Variants in ATP6V0A1 observed in about 807,000 individuals in gnomAD.
The protein encoded by ATP6V0A1 is V-type proton ATPase 116 kDa subunit a 1.
ATP6V0A1 carries 43 observed loss-of-function variants against 105.4 expected under a neutral mutation model. The ratio of observed to expected loss-of-function variants is 0.41; its 90% CI spans 0.32 to 0.53. ATP6V0A1 has a LOEUF of 0.53. ATP6V0A1 is among the 20% of genes least tolerant of loss of function. ATP6V0A1 has a pLI of 0.30. For missense variants in ATP6V0A1, 676 were observed against 1,051.1 expected (o/e 0.64, Z 4.93); for synonymous variants, 362 against 372.8 (o/e 0.97, Z 0.33).
intron 1 of ATP6V0A1, among the ~76,000 whole-genome samples, chr17:42,459,433 C>T (rs562675714): frequency 1.3e-4 from 20 of 152,362 alleles, no homozygotes; most frequent in African/African-American, 4.8e-4. Context: ...TTGGACTCAT[C>T]TTTTGCAGAA....
chr17:42,521,777 T>C lies in ATP6V0A1; in HGVS notation c.*657T>C, dbSNP rs1397514110. 6.5e-6 allele frequency: 1 copy of C among 152,736 alleles called. No individual in the cohort carries two copies. Among genetic ancestry groups the C allele is most frequent in the African/African-American group, 2.4e-5 (1 of 41,402 alleles). 9.5% of individuals were successfully genotyped at this position (152,736 alleles called of 1,614,324 possible). A position where few individuals can be genotyped will look rare whatever the true frequency, so the allele number is the denominator to read the frequency against. On this transcript the variant is annotated 3_prime_UTR_variant, in exon 22 of 22. Transcript: ENST00000343619. The surrounding 1 kb of genome is among the most constrained non-coding windows in gnomAD (Gnocchi z 4.8). ...ACTCCCATCCTTTCCTCTCTCCCCGTTCATGCCCTGCACTACATAGCACAG... is the reference window on the plus strand; with the variant it reads ...ACTCCCATCCTTTCCTCTCTCCCCGCTCATGCCCTGCACTACATAGCACAG...
rs1270490811 is a variant in ATP6V0A1 at position 42,484,842 on chromosome 17, CTTTTCTTTTCT to C, written c.810+1716_810+1726del. 4.9e-3 allele frequency among the ~76,000 whole-genome samples: 580 copies of C among 117,400 alleles called. 9 individuals are homozygous for C. The highest frequency in any genetic ancestry group is 0.016 in the African/African-American group (551 of 33,652). The allele number at this position is 117,400 out of a possible 152,430, so 77.0% of individuals were successfully genotyped here. A position where few individuals can be genotyped will look rare whatever the true frequency, so the allele number is the denominator to read the frequency against. On this transcript the variant is annotated intron_variant, in intron 9 of 21. Transcript: ENST00000343619. ...ATGTTGTAACTTCCATTTCTTTTTT[CTTTTCTTTTCT>C]TTTTTTTTTTTTTTGAGACAGAGTC... is the stretch of plus-strand genomic sequence containing the variant.
At chr17:42,518,115 TGAG>T (rs764835079) in intron 21 of ATP6V0A1, 29 of 152,266 alleles carry the variant, frequency 1.9e-4, no homozygotes, top group Non-Finnish European at 3.5e-4. Context: ...AGAGAAGGCA[TGAG>T]ACAGGGATTT....
chr17:42,483,429 A>T (rs1161498227), intron 9 of ATP6V0A1, among the ~76,000 whole-genome samples: 1 of 149,920 alleles, frequency 6.7e-6, no homozygotes, highest in Non-Finnish European at 1.5e-5. Context: ...TTTTTTTGAG[A>T]CAGAGTCTCA....
Position 42,521,227 on chromosome 17 carries a change from C to A in ATP6V0A1, c.*107C>A. 1 of 971,996 alleles carries A rather than the reference C, an allele frequency of 1.0e-6. No homozygotes were observed. Among genetic ancestry groups the A allele is most frequent in the Non-Finnish European group, 1.5e-6 (1 of 661,368 alleles). 60.2% of individuals were successfully genotyped at this position (971,996 alleles called of 1,614,324 possible). ...TGTGATCTGTGGGCACCAGCTCATT[C>A]GTGTCACCCTGTCTGTGAGTCATTT... On this transcript the variant is annotated 3_prime_UTR_variant, in exon 22 of 22. Coordinates refer to ENST00000343619, the MANE Select transcript of ATP6V0A1 (RefSeq NM_001130021.3). The surrounding 1 kb of genome is among the most constrained non-coding windows in gnomAD (Gnocchi z 4.8).
chr17:42,483,898 A>G (rs2089821128), intron 9 of ATP6V0A1, among the ~76,000 whole-genome samples: 3 of 151,960 alleles, frequency 2.0e-5, no homozygotes, highest in Admixed American at 2.0e-4. Flanking sequence ...TTGTATTTTT[A>G]GTAGAGATGG....
chr17:42,478,637 C>G, intron 7 of ATP6V0A1, 48 bp downstream of exon 7: 4 of 1,494,826 alleles, frequency 2.7e-6, no homozygotes, highest in Non-Finnish European at 3.6e-6. Context: ...GTAAAGGGAG[C>G]CCAGAGCAGT....
intron 8 of ATP6V0A1, chr17:42,481,174 C>T (rs1397673564): frequency 6.6e-6 from 1 of 152,608 alleles, no homozygotes; most frequent in Non-Finnish European, 1.5e-5. Flanking sequence ...CTGCCCATCT[C>T]AACCTCCCAA....
rs894001022 is a variant in ATP6V0A1 at position 42,499,399 on chromosome 17, A to T, written c.1679+357A>T. 2.6e-5 allele frequency among the ~76,000 whole-genome samples: 4 copies of T among 152,004 alleles called. No homozygotes were observed. The South Asian group carries it at 6.2e-4, about 24-fold the overall frequency. ...GGCAGGAGAATTGCTTGAACCTGGG[A>T]GGCAGAGGTCGCAGTGAGACAAGAT... On this transcript the variant is annotated intron_variant, in intron 15 of 21. Transcript: ENST00000343619.
intron 10 of ATP6V0A1, among the ~76,000 whole-genome samples, chr17:42,490,153 T>C (rs1478455051): frequency 6.6e-6 from 1 of 152,164 alleles, no homozygotes; most frequent in Non-Finnish European, 1.5e-5. Context: ...AGAACAACTT[T>C]CATAAAAAGG....
chr17:42,480,775 A>G, intron 8 of ATP6V0A1, 26 bp downstream of exon 8: 1 of 1,600,516 alleles, frequency 6.2e-7, no homozygotes, highest in Non-Finnish European at 8.5e-7. Context: ...CTCTACCAGG[A>G]GTGCACAGCC....
Position 42,495,064 on chromosome 17 carries a change from A to G in ATP6V0A1, c.1345A>G (p.Ile449Val). 2.5e-6 allele frequency: 4 copies of G among 1,614,100 alleles called. No homozygotes were observed. Among genetic ancestry groups the G allele is most frequent in the East Asian group, 2.2e-5 (1 of 44,882 alleles). Residue 449 changes from isoleucine (I) to valine (V), a missense_variant, in exon 13 of 22, where the codon ATT (isoleucine) becomes GTT (valine). Coordinates refer to ENST00000343619, the MANE Select transcript of ATP6V0A1 (RefSeq NM_001130021.3). ...MFSTVFSGRY[I>V]ILLMGVFSMY... ...TAGCACTGTGTTCAGTGGTCGATAC[A>G]TTATTTTATTGATGGGTGTGTTCTC...
intron 10 of ATP6V0A1, among the ~76,000 whole-genome samples, chr17:42,487,812 A>G (rs1468691916): frequency 6.6e-6 from 1 of 152,214 alleles, no homozygotes; most frequent in African/African-American, 2.4e-5. Flanking sequence ...GTTCTTCAAT[A>G]TATTTATTTG....
chr17:42,486,705 G>A (rs530306811), intron 9 of ATP6V0A1, among the ~76,000 whole-genome samples: 196 of 152,060 alleles, frequency 1.3e-3, no homozygotes, highest in Non-Finnish European at 1.9e-3. Flanking sequence ...GCTGGTGGTG[G>A]TATTCAGCAC....
chr17:42,489,612 A>T (rs1424461370), intron 10 of ATP6V0A1, among the ~76,000 whole-genome samples: 1 of 152,186 alleles, frequency 6.6e-6, no homozygotes, highest in Non-Finnish European at 1.5e-5. Flanking sequence ...GAGAAATACA[A>T]GGAGAAAGAT....
At chr17:42,494,764 G>T (rs1193006933) in intron 12 of ATP6V0A1, 1 of 475,072 alleles carries the variant, frequency 2.1e-6, no homozygotes, top group South Asian at 4.8e-5. Flanking sequence ...AATTATTTAG[G>T]TTTGGTGCAA....
chr17:42,500,822 G>T lies in ATP6V0A1; in HGVS notation c.1795G>T (p.Ala599Ser). The change falls in exon 16 of 22, where the codon GCT becomes TCT. Residue 599 changes from alanine to serine, a missense_variant. Ala to Ser is a moderately conservative substitution (Grantham distance 99, BLOSUM62 1). Transcript: ENST00000343619. The stretch of plus-strand genomic sequence containing the variant: ...TTTTTACAAGTGGACGGCCTATGAT[G>T]CTCATACCTCTGAGAATGCACCAAG... Reference protein sequence around the residue: ...LIFYKWTAYDAHTSENAPSLL... With the variant: ...LIFYKWTAYDSHTSENAPSLL... The T allele has an allele frequency of 6.2e-7, 1 of 1,613,984 alleles. No homozygotes were observed. Among genetic ancestry groups the T allele is most frequent in the Non-Finnish European group, 8.5e-7 (1 of 1,179,916 alleles).
intron 5 of ATP6V0A1, among the ~76,000 whole-genome samples, chr17:42,474,259 C>G (rs2088413271): frequency 6.6e-6 from 1 of 152,052 alleles, no homozygotes; most frequent in Non-Finnish European, 1.5e-5. Flanking sequence ...CCTCAGCCTC[C>G]CAAAGTGCTG....
At chr17:42,505,081 G>C (rs951419110) in intron 17 of ATP6V0A1, among the ~76,000 whole-genome samples, 1 of 150,162 alleles carries the variant, frequency 6.7e-6, no homozygotes, top group African/African-American at 2.5e-5. Flanking sequence ...CTGTCACCCA[G>C]CTGTAGTGCA....
Sources: allele counts gnomAD v4.1 joint callset (sites outside exome capture counted in the v4.1 genomes callset), GRCh38; gene constraint gnomAD v4.1.1; non-coding constraint Gnocchi (gnomAD v3.1); transcripts MANE v1.5; gene names NCBI Gene and HGNC (gene_info 2026-07-23, HGNC 2026-07-21).